HDAC9: variants seen among roughly 807,000 people sequenced by gnomAD.
The protein encoded by HDAC9 is MEF-2 interacting transcription repressor (MITR) protein.
Under a neutral mutation model 139.4 loss-of-function variants are expected in HDAC9, and 41 were observed. That is an observed-to-expected ratio of 0.29 (90% confidence interval 0.23 to 0.38). The LOEUF is 0.38. Among genes scored for constraint, HDAC9 ranks in the 10% least tolerant of loss-of-function variants. The pLI, the probability that HDAC9 is intolerant of heterozygous loss-of-function variation, is 1.00. For missense variants in HDAC9, 1,147 were observed against 1,297.0 expected (o/e 0.88, Z 1.78); for synonymous variants, 517 against 476.2 (o/e 1.09, Z -1.12).
chr7:18,283,562 T>A (rs1224874714), intron 2 of HDAC9, among the ~76,000 whole-genome samples: 1 of 152,252 alleles, frequency 6.6e-6, no homozygotes, highest in African/African-American at 2.4e-5. Flanking sequence ...CTGATTATCA[T>A]TCTTTTTTGC....
chr7:18,100,025 T>A (rs746060913), intron 1 of HDAC9, among the ~76,000 whole-genome samples: 1 of 152,208 alleles, frequency 6.6e-6, no homozygotes, highest in Non-Finnish European at 1.5e-5. Flanking sequence ...CTGCTGGTGA[T>A]GAATCCTATC....
intron 16 of HDAC9, among the ~76,000 whole-genome samples, chr7:18,780,429 G>A (rs547403134): frequency 2.5e-4 from 38 of 152,102 alleles, no homozygotes; most frequent in African/African-American, 7.7e-4. Context: ...TAGTGAGTGG[G>A]GAAGCTTCTG....
intron 1 of HDAC9, among the ~76,000 whole-genome samples, chr7:18,303,094 A>G (rs1237920378): frequency 2.0e-5 from 3 of 152,202 alleles, no homozygotes; most frequent in Non-Finnish European, 4.4e-5. Context: ...TTTTCATAGA[A>G]AGGGTAGAAC....
intron 2 of HDAC9, among the ~76,000 whole-genome samples, chr7:18,554,528 G>A (rs1402873397): frequency 6.6e-6 from 1 of 151,902 alleles, no homozygotes; most frequent in African/African-American, 2.4e-5. Context: ...GTAGAGACGG[G>A]GTTTCACCGT....
At chr7:18,287,677 G>T (rs1210608559), upstream of HDAC9, among the ~76,000 whole-genome samples, 2 of 152,224 alleles carry the variant, frequency 1.3e-5, no homozygotes, top group Admixed American at 6.5e-5. Context: ...GCGCATTCCT[G>T]CCCTGGTCTC....
intron 2 of HDAC9, among the ~76,000 whole-genome samples, chr7:18,513,533 A>T (rs1026970040): frequency 3.9e-5 from 6 of 152,224 alleles, no homozygotes; most frequent in African/African-American, 1.2e-4. Flanking sequence ...ATCAAAGGAC[A>T]GCAATTCCAG....
intron 12 of HDAC9, among the ~76,000 whole-genome samples, chr7:18,675,298 G>A (rs1357516241): frequency 6.6e-6 from 1 of 151,950 alleles, no homozygotes; most frequent in Admixed American, 6.6e-5. Flanking sequence ...TTTATAGTTA[G>A]GCTGCAGGAG....
chr7:18,685,048 C>T (rs538125344), intron 12 of HDAC9, among the ~76,000 whole-genome samples: 1 of 152,110 alleles, frequency 6.6e-6, no homozygotes, highest in African/African-American at 2.4e-5. Context: ...AAATAAAATT[C>T]GTCTGAATCT....
At chr7:18,732,824 TGTGTGC>T (rs1786329278) in intron 13 of HDAC9, among the ~76,000 whole-genome samples, 6 of 104,388 alleles carry the variant, frequency 5.7e-5, no homozygotes, top group Non-Finnish European at 9.3e-5. Context: ...CACGTGTGTA[TGTGTGC>T]GTATGTGTAC....
intron 21 of HDAC9, among the ~76,000 whole-genome samples, chr7:18,836,532 A>C (rs1048195673): frequency 1.3e-5 from 2 of 152,164 alleles, no homozygotes; most frequent in Non-Finnish European, 2.9e-5. Context: ...TTAACTAATT[A>C]ATTGGTTGCT....
At chr7:18,872,836 G>T (rs947960589) in intron 21 of HDAC9, among the ~76,000 whole-genome samples, 1 of 152,038 alleles carries the variant, frequency 6.6e-6, no homozygotes, top group Non-Finnish European at 1.5e-5. Flanking sequence ...AGGGAAGGAT[G>T]ACCTTCTGAT....
At chr7:18,872,895 T>C (rs1002809633) in intron 21 of HDAC9, among the ~76,000 whole-genome samples, 2 of 152,152 alleles carry the variant, frequency 1.3e-5, no homozygotes, top group African/African-American at 2.4e-5. Context: ...TATGATTGCA[T>C]AGACAATCTG....
At chr7:18,865,545 G>A (rs937080487) in intron 21 of HDAC9, among the ~76,000 whole-genome samples, 3 of 152,106 alleles carry the variant, frequency 2.0e-5, no homozygotes, top group Non-Finnish European at 2.9e-5. Context: ...TAGTGCTGAC[G>A]CTTTTCCACA....
chr7:18,249,657 C>T (rs1794796280), intron 2 of HDAC9, among the ~76,000 whole-genome samples: 1 of 152,052 alleles, frequency 6.6e-6, no homozygotes, highest in Non-Finnish European at 1.5e-5. Flanking sequence ...TACCATTCTA[C>T]CCCCAAATTA....
chr7:18,839,567 G>A (rs1455399039), intron 21 of HDAC9, among the ~76,000 whole-genome samples: 6 of 152,012 alleles, frequency 3.9e-5, no homozygotes, highest in Non-Finnish European at 8.8e-5. Context: ...GAAGAAAGAG[G>A]GAATAATGTT....
intron 1 of HDAC9, among the ~76,000 whole-genome samples, chr7:18,117,035 A>G (rs772285780): frequency 7.9e-5 from 12 of 152,192 alleles, no homozygotes; most frequent in Non-Finnish European, 1.5e-4. Context: ...TTGTAGCTTT[A>G]GGATTGACCA....
chr7:18,217,159 G>A (rs1217590852), intron 2 of HDAC9, among the ~76,000 whole-genome samples: 2 of 151,988 alleles, frequency 1.3e-5, no homozygotes, highest in South Asian at 4.1e-4. Flanking sequence ...ACTCAGCTGG[G>A]ATGATCTTTT....
At chr7:18,569,877 A>G (rs1251871267) in intron 2 of HDAC9, among the ~76,000 whole-genome samples, 1 of 152,166 alleles carries the variant, frequency 6.6e-6, no homozygotes, top group African/African-American at 2.4e-5. Context: ...TGAAGGAAAA[A>G]AAATAGACCA....
chr7:18,712,760 T>A (rs1355372268), intron 12 of HDAC9, among the ~76,000 whole-genome samples: 3 of 152,210 alleles, frequency 2.0e-5, no homozygotes, highest in African/African-American at 4.8e-5. Flanking sequence ...CAAGTATAAT[T>A]TTGAATAGCA....
Sources: gnomAD v4.1 joint callset for allele counts (sites outside exome capture counted in the v4.1 genomes callset) on GRCh38, gnomAD v4.1.1 for gene constraint, MANE v1.5 for transcripts, NCBI Gene and HGNC (gene_info 2026-07-23, HGNC 2026-07-21) for gene names.